The following RTN4RL1 variants were observed in gnomAD, a reference collection of about 807,000 sequenced individuals.
RTN4RL1 encodes reticulon-4 receptor-like 1.
A neutral mutation model predicts 25.6 loss-of-function variants in RTN4RL1; 7 were observed. The ratio of observed to expected loss-of-function variants is 0.27; its 90% CI spans 0.16 to 0.51. The LOEUF (loss-of-function observed/expected upper bound fraction) is 0.51, where lower values mean the gene tolerates loss of function less well. Ranked by LOEUF, RTN4RL1 falls within the 20% of genes least tolerant of loss-of-function variation. The pLI, the probability that RTN4RL1 is intolerant of heterozygous loss-of-function variation, is 0.97. For missense variants in RTN4RL1, 500 were observed against 615.6 expected, an observed-to-expected ratio of 0.81 and a Z score of 1.99; for synonymous variants, 297 against 288.2, an observed-to-expected ratio of 1.03 and a Z score of -0.31.
intron 1 of RTN4RL1, among the ~76,000 whole-genome samples, chr17:2,021,624 G>C: frequency 7.6e-6 from 1 of 130,978 alleles, no homozygotes; most frequent in Admixed American, 9.4e-5. Context: ...GTGCGATCTT[G>C]GCTCACTGTA....
In RTN4RL1 at chr17:1,937,207, G is replaced by A. The variant is rs756699810; in HGVS notation, c.615C>T (p.His205=). ...GLVNLDRLLL[H]ENQLQWVHHK... ...GGTGGACCCACTGCAGCTGGTTCTC[G>A]TGCAGCAAAAGACGGTCCAGGTTCA... The change falls in exon 2 of 2, where the codon CAC becomes CAT. Residue 205 remains histidine (H), a synonymous_variant. Transcript: ENST00000331238. 3.1e-6 allele frequency: 5 copies of A among 1,612,220 alleles called. No individual in the cohort carries two copies. The highest frequency in any genetic ancestry group is 1.3e-5 in the African/African-American group (1 of 74,920).
intron 1 of RTN4RL1, among the ~76,000 whole-genome samples, chr17:2,001,889 G>A (rs1162039950): frequency 1.4e-5 from 2 of 144,670 alleles, no homozygotes; most frequent in Non-Finnish European, 1.5e-5. Flanking sequence ...AGCTCCCCCC[G>A]TCCCCGGCTC....
At chr17:1,999,114 A>ACG (rs2066944098) in intron 1 of RTN4RL1, among the ~76,000 whole-genome samples, 1 of 148,154 alleles carries the variant, frequency 6.7e-6, no homozygotes, top group African/African-American at 2.5e-5. Context: ...ACACACACAC[A>ACG]CACGCTGCAC....
intron 1 of RTN4RL1, among the ~76,000 whole-genome samples, chr17:1,983,044 T>C (rs1209273847): frequency 6.6e-6 from 1 of 150,854 alleles, no homozygotes; most frequent in East Asian, 1.9e-4. Context: ...ACATTCTTCT[T>C]CTTCTTCTTT....
intron 1 of RTN4RL1, among the ~76,000 whole-genome samples, chr17:2,002,441 C>T (rs369450488): frequency 0.011 from 1,678 of 149,246 alleles, 44 homozygotes; most frequent in African/African-American, 0.04. Context: ...TACAGGCGCC[C>T]GCCACCTCGC....
intron 1 of RTN4RL1, among the ~76,000 whole-genome samples, chr17:2,007,438 C>T (rs2067006811): frequency 6.6e-6 from 1 of 151,600 alleles, no homozygotes; most frequent in Non-Finnish European, 1.5e-5. Flanking sequence ...TGGGGTGGTG[C>T]CAATGGATGT....
chr17:1,952,604 A>C, intron 1 of RTN4RL1, among the ~76,000 whole-genome samples: 1 of 149,642 alleles, frequency 6.7e-6, no homozygotes. Context: ...CAGCCTCCCA[A>C]AGTGCTGGGA....
At chr17:1,974,217 G>A (rs1019187327) in intron 1 of RTN4RL1, among the ~76,000 whole-genome samples, 1 of 152,142 alleles carries the variant, frequency 6.6e-6, no homozygotes, top group Admixed American at 6.5e-5. Context: ...GCCTGTGTCT[G>A]TAGTCCCAGC....
intron 1 of RTN4RL1, among the ~76,000 whole-genome samples, chr17:1,975,752 A>T (rs1488548021): frequency 6.6e-6 from 1 of 152,234 alleles, no homozygotes; most frequent in African/African-American, 2.4e-5. Flanking sequence ...AGGCCACATC[A>T]TCTCACTGAA....
In RTN4RL1 at chr17:2,025,247, GC is replaced by G. The variant is rs1334603106; in HGVS notation, c.-383del. ...CTCCTCTCCGCCCCCTCGGACCACCGCCGCCGCGGCTGCAGCAAAAGGGCGC... is the reference window on the plus strand; with the variant it reads ...CTCCTCTCCGCCCCCTCGGACCACCGCGCCGCGGCTGCAGCAAAAGGGCGC... On this transcript the variant is annotated 5_prime_UTR_variant, in exon 1 of 2. Coordinates refer to ENST00000331238, the MANE Select transcript of RTN4RL1 (RefSeq NM_178568.4). The surrounding 1 kb of genome is among the most constrained non-coding windows in gnomAD (Gnocchi z 4.8). 1 of 175,508 alleles carries G rather than the reference GC, an allele frequency of 5.7e-6. No individual in the cohort carries two copies. Among genetic ancestry groups the G allele is most frequent in the Non-Finnish European group, 1.2e-5 (1 of 84,074 alleles). 10.9% of individuals were successfully genotyped at this position (175,508 alleles called of 1,614,324 possible). A position where few individuals can be genotyped will look rare whatever the true frequency, so the allele number is the denominator to read the frequency against.
chr17:2,011,492 C>T (rs373849647), intron 1 of RTN4RL1, among the ~76,000 whole-genome samples: 2 of 152,140 alleles, frequency 1.3e-5, no homozygotes, highest in African/African-American at 4.8e-5. Context: ...GATGAAAGGC[C>T]GTGCTGGAGA....
intron 1 of RTN4RL1, among the ~76,000 whole-genome samples, chr17:1,966,752 T>A (rs1017114849): frequency 4.6e-5 from 7 of 152,080 alleles, no homozygotes; most frequent in Non-Finnish European, 7.4e-5. Context: ...ACCGGTTCTG[T>A]CATCCTGTGA....
At chr17:1,967,647 TC>T (rs1289963886) in intron 1 of RTN4RL1, among the ~76,000 whole-genome samples, 6 of 139,430 alleles carry the variant, frequency 4.3e-5, no homozygotes, top group Non-Finnish European at 1.0e-4. Context: ...TCTCTCTCTT[TC>T]TTTTTTTTTT....
chr17:1,949,716 C>G (rs1915636019), intron 1 of RTN4RL1, among the ~76,000 whole-genome samples: 1 of 152,210 alleles, frequency 6.6e-6, no homozygotes, highest in Non-Finnish European at 1.5e-5. Context: ...CCTCCTGGGG[C>G]CTACATTCTC....
chr17:1,983,165 C>G (rs2066874689), intron 1 of RTN4RL1, among the ~76,000 whole-genome samples: 1 of 151,962 alleles, frequency 6.6e-6, no homozygotes, highest in African/African-American at 2.4e-5. Context: ...ATTACAGTAG[C>G]TGGGATTACA....
intron 1 of RTN4RL1, among the ~76,000 whole-genome samples, chr17:1,948,626 G>T (rs1319834989): frequency 2.0e-5 from 3 of 152,170 alleles, no homozygotes; most frequent in Non-Finnish European, 4.4e-5. Flanking sequence ...CGGACGGGCG[G>T]ATGGGCCCAC....
chr17:1,980,922 A>C (rs2066864395), intron 1 of RTN4RL1, among the ~76,000 whole-genome samples: 1 of 78,470 alleles, frequency 1.3e-5, no homozygotes, highest in Non-Finnish European at 2.5e-5. Flanking sequence ...GTGAGATTCT[A>C]TCTCAAAAAA....
At chr17:2,011,555 G>A (rs978402206) in intron 1 of RTN4RL1, among the ~76,000 whole-genome samples, 5 of 152,178 alleles carry the variant, frequency 3.3e-5, no homozygotes, top group African/African-American at 1.2e-4. Flanking sequence ...GAGCTGGCGG[G>A]GTGGAGGGAG....
At chr17:1,971,721 G>A (rs564171251) in intron 1 of RTN4RL1, among the ~76,000 whole-genome samples, 1 of 152,044 alleles carries the variant, frequency 6.6e-6, no homozygotes, top group Non-Finnish European at 1.5e-5. Flanking sequence ...CCAGCACTTT[G>A]GGGGGCAGAG....
Sources: allele counts gnomAD v4.1 joint callset (sites outside exome capture counted in the v4.1 genomes callset), GRCh38; gene constraint gnomAD v4.1.1; non-coding constraint Gnocchi (gnomAD v3.1); transcripts MANE v1.5; gene names NCBI Gene and HGNC (gene_info 2026-07-23, HGNC 2026-07-21).